AUTS2: variants seen among roughly 807,000 people sequenced by gnomAD.
The protein encoded by AUTS2 is activator of transcription and developmental regulator AUTS2.
A neutral mutation model predicts 112.4 loss-of-function variants in AUTS2; 17 were observed. The ratio of observed to expected loss-of-function variants is 0.15; its 90% CI spans 0.10 to 0.23. The LOEUF (loss-of-function observed/expected upper bound fraction) is 0.23. Ranked by LOEUF, AUTS2 falls within the 10% of genes least tolerant of loss-of-function variation. The pLI, the probability that AUTS2 is intolerant of heterozygous loss-of-function variation, is 1.00. For synonymous variants in AUTS2, 751 were observed against 702.7 expected (o/e 1.07, Z -1.09); for missense variants, 1,510 against 1,701.6 (o/e 0.89, Z 1.98).
intron 1 of AUTS2, among the ~76,000 whole-genome samples, chr7:69,852,862 T>G (rs1218687314): frequency 6.6e-6 from 1 of 152,202 alleles, no homozygotes; most frequent in Non-Finnish European, 1.5e-5. Context: ...CAGGTCATTG[T>G]TTAAGTTATT....
chr7:70,495,622 A>G (rs1435812994), intron 5 of AUTS2, among the ~76,000 whole-genome samples: 2 of 150,802 alleles, frequency 1.3e-5, no homozygotes, highest in African/African-American at 2.4e-5. Context: ...ACACAGTCGC[A>G]CACACACACC....
At chr7:70,681,859 C>T (rs1808228740) in intron 5 of AUTS2, among the ~76,000 whole-genome samples, 1 of 152,204 alleles carries the variant, frequency 6.6e-6, no homozygotes, top group African/African-American at 2.4e-5. Context: ...CCAGCATATT[C>T]GACCCCATGT....
At chr7:70,485,009 A>G (rs1037057909) in intron 5 of AUTS2, among the ~76,000 whole-genome samples, 1 of 152,242 alleles carries the variant, frequency 6.6e-6, no homozygotes, top group African/African-American at 2.4e-5. Context: ...TGTGGTAAAA[A>G]GGGAACACTT....
chr7:70,639,524 A>T (rs1563093778), intron 5 of AUTS2, among the ~76,000 whole-genome samples: 1 of 147,330 alleles, frequency 6.8e-6, no homozygotes, highest in Non-Finnish European at 1.5e-5. Flanking sequence ...GTGGTGAGGC[A>T]GGAGGATTGC....
At chr7:70,012,210 G>T (rs145090313) in intron 2 of AUTS2, among the ~76,000 whole-genome samples, 77 of 152,256 alleles carry the variant, frequency 5.1e-4, no homozygotes, top group African/African-American at 1.7e-3. Context: ...CCTTGGACAG[G>T]AATAAGTTCA....
At chr7:70,788,132 C>CT (rs113849206) in intron 18 of AUTS2, among the ~76,000 whole-genome samples, 5 of 151,260 alleles carry the variant, frequency 3.3e-5, no homozygotes, top group Admixed American at 1.3e-4. Context: ...ACAAAAATGT[C>CT]TTTTTTTTTT....
At chr7:70,740,644 A>T (rs974144809) in intron 6 of AUTS2, among the ~76,000 whole-genome samples, 3 of 152,212 alleles carry the variant, frequency 2.0e-5, no homozygotes, top group Non-Finnish European at 1.5e-5. Context: ...ATAATTATAT[A>T]TTATTCATGC....
chr7:70,648,734 A>G (rs1806316735), intron 5 of AUTS2, among the ~76,000 whole-genome samples: 1 of 152,092 alleles, frequency 6.6e-6, no homozygotes, highest in Non-Finnish European at 1.5e-5. Flanking sequence ...GGCATGCACT[A>G]CCACGCTCAG....
chr7:69,785,495 C>T (rs538379104), intron 1 of AUTS2, among the ~76,000 whole-genome samples: 1 of 152,350 alleles, frequency 6.6e-6, no homozygotes, highest in African/African-American at 2.4e-5. Context: ...ATTAAAGTCC[C>T]CTTCACAAAA....
At position 70,616,443 on chromosome 7, in the gene AUTS2, C is replaced by G. The variant is rs75312288; in HGVS notation, c.691-82126C>G. Among the ~76,000 whole-genome samples, 512 of 152,344 alleles carry G rather than the reference C, an allele frequency of 3.4e-3. 10 individuals carry two copies. In the East Asian group the frequency reaches 0.05, roughly 15 times the overall value. On this transcript the variant is annotated intron_variant, in intron 5 of 18. Transcript: ENST00000342771. ...GTGCTGAGGTACCATTCGGCTTTAA[C>G]AGCTGACGGGGCTGATGCAGCTGCC...
intron 2 of AUTS2, among the ~76,000 whole-genome samples, chr7:70,000,174 T>G (rs1015151451): frequency 6.6e-6 from 1 of 152,200 alleles, no homozygotes. Context: ...ATAACAGAGC[T>G]GTCTGTACAG....
intron 2 of AUTS2, among the ~76,000 whole-genome samples, chr7:70,015,640 T>G (rs903243083): frequency 2.0e-5 from 3 of 152,194 alleles, no homozygotes; most frequent in African/African-American, 7.2e-5. Flanking sequence ...AAAGAAATAA[T>G]ATACAGCAGA....
intron 15 of AUTS2, chr7:70,782,067 A>G (rs1791125490): frequency 3.1e-6 from 1 of 318,964 alleles, no homozygotes; most frequent in Non-Finnish European, 5.7e-6. Flanking sequence ...GAAAGATCTG[A>G]AGGCTTGCAA....
chr7:70,788,484 C>T (rs1791663903), intron 18 of AUTS2, among the ~76,000 whole-genome samples: 2 of 152,176 alleles, frequency 1.3e-5, no homozygotes, highest in Non-Finnish European at 2.9e-5. Context: ...TGACATTCAT[C>T]TCTGAGCTGT....
At chr7:69,978,974 T>A (rs1798183166) in intron 2 of AUTS2, among the ~76,000 whole-genome samples, 2 of 152,074 alleles carry the variant, frequency 1.3e-5, no homozygotes, top group Admixed American at 1.3e-4. Flanking sequence ...TATCTGTCTA[T>A]AAGTTTAAAG....
intron 6 of AUTS2, among the ~76,000 whole-genome samples, chr7:70,761,805 C>T (rs1178113374): frequency 6.6e-6 from 1 of 152,200 alleles, no homozygotes. Context: ...TGTAGAATTT[C>T]ACTTAAATTT....
At position 70,631,931 on chromosome 7, in the gene AUTS2, G is replaced by T. The variant is rs932942590; in HGVS notation, c.691-66638G>T. ...CTGCCTGTGGTGAAAAGGACAAGGA[G>T]ATTTGCATCTCTGGCCTCCTGTGGA... On this transcript the variant is annotated intron_variant, in intron 5 of 18. Transcript: ENST00000342771. The surrounding 1 kb of genome is among the most constrained non-coding windows in gnomAD (Gnocchi z 4.5). 6.6e-6 allele frequency among the ~76,000 whole-genome samples: 1 copy of T among 152,058 alleles called. No individual in the cohort carries two copies. The highest frequency in any genetic ancestry group is 2.4e-5 in the African/African-American group (1 of 41,412).
At chr7:70,395,805 G>C (rs1343667945) in intron 4 of AUTS2, among the ~76,000 whole-genome samples, 1 of 152,166 alleles carries the variant, frequency 6.6e-6, no homozygotes, top group Non-Finnish European at 1.5e-5. Flanking sequence ...TAGCTGTACA[G>C]ATCTGGGAAC....
intron 4 of AUTS2, among the ~76,000 whole-genome samples, chr7:70,327,927 G>T (rs1790565445): frequency 6.6e-6 from 1 of 152,128 alleles, no homozygotes; most frequent in Non-Finnish European, 1.5e-5. Context: ...CTTGGTAGAG[G>T]CATGTGTGGT....
Sources: allele counts gnomAD v4.1 joint callset (sites outside exome capture counted in the v4.1 genomes callset), GRCh38; gene constraint gnomAD v4.1.1; non-coding constraint Gnocchi (gnomAD v3.1); transcripts MANE v1.5; gene names NCBI Gene and HGNC (gene_info 2026-07-23, HGNC 2026-07-21).